TPRG1: variants seen among roughly 807,000 people sequenced by gnomAD.
TPRG1 encodes the protein tumor protein p63 regulated 1.
A neutral mutation model predicts 29.3 loss-of-function variants in TPRG1; 29 were observed. The observed-to-expected ratio is 0.99, with a 90% CI of 0.74 to 1.35. The LOEUF (loss-of-function observed/expected upper bound fraction) is 1.35. TPRG1 is among the 40% of genes most tolerant of loss of function. The pLI, the probability that TPRG1 is intolerant of heterozygous loss-of-function variation, is 0.00. For synonymous variants in TPRG1, 130 were observed against 116.8 expected (o/e 1.11, Z -0.73); for missense variants, 327 against 335.0 (o/e 0.98, Z 0.19).
At chr3:189,100,971 C>G (rs922452633) in intron 1 of TPRG1, among the ~76,000 whole-genome samples, 4 of 152,228 alleles carry the variant, frequency 2.6e-5, no homozygotes, top group Non-Finnish European at 5.9e-5. Flanking sequence ...TTTCTAGCAT[C>G]AAAACAACTT....
chr3:189,183,940 G>A (rs1043781446), intron 1 of TPRG1, among the ~76,000 whole-genome samples: 1 of 151,124 alleles, frequency 6.6e-6, no homozygotes, highest in African/African-American at 2.4e-5. Flanking sequence ...GAAATCACAA[G>A]GGTATTGATT....
At chr3:189,268,116 G>A (rs1714435829) in intron 4 of TPRG1, among the ~76,000 whole-genome samples, 1 of 152,172 alleles carries the variant, frequency 6.6e-6, no homozygotes, top group African/African-American at 2.4e-5. Context: ...GGAGCTTATG[G>A]ACTTACCATC....
At chr3:189,054,040 T>C (rs1031716422) in intron 4 of TPRG1, among the ~76,000 whole-genome samples, 1 of 152,158 alleles carries the variant, frequency 6.6e-6, no homozygotes, top group Non-Finnish European at 1.5e-5. Context: ...ACGCTCAGCT[T>C]TCAGTCTTTT....
intron 5 of TPRG1, among the ~76,000 whole-genome samples, chr3:189,314,923 C>A (rs1414498824): frequency 6.6e-6 from 1 of 151,990 alleles, no homozygotes; most frequent in Non-Finnish European, 1.5e-5. Flanking sequence ...AGTTCAAGAC[C>A]AGCCTAGGCA....
intron 1 of TPRG1, among the ~76,000 whole-genome samples, chr3:189,119,579 A>G (rs1167935690): frequency 6.6e-6 from 1 of 152,202 alleles, no homozygotes; most frequent in East Asian, 1.9e-4. Context: ...GGAGGTACTC[A>G]GTGGGAGGTA....
chr3:189,139,437 C>G (rs940169366), intron 3 of TPRG1, among the ~76,000 whole-genome samples: 1 of 152,198 alleles, frequency 6.6e-6, no homozygotes, highest in Non-Finnish European at 1.5e-5. Context: ...AGTGAACCAG[C>G]TCCTCATCCA....
chr3:189,066,726 G>A (rs1716476526), intron 4 of TPRG1, among the ~76,000 whole-genome samples: 1 of 151,640 alleles, frequency 6.6e-6, no homozygotes, highest in Admixed American at 6.6e-5. Flanking sequence ...ACTAAATGGG[G>A]AAAAACTGAA....
At chr3:189,219,533 AG>A in intron 3 of TPRG1, 27 of 1,178,868 alleles carry the variant, frequency 2.3e-5, no homozygotes, top group East Asian at 1.2e-4. Flanking sequence ...AAAAAAAAAA[AG>A]ATTATTTTAA....
chr3:189,123,880 T>A (rs1418911747), intron 1 of TPRG1, among the ~76,000 whole-genome samples: 1 of 151,892 alleles, frequency 6.6e-6, no homozygotes, highest in Admixed American at 6.6e-5. Context: ...TGCTCTGGAG[T>A]CTCTCTCGCT....
chr3:189,162,977 C>T (rs1376400929), intron 5 of TPRG1, among the ~76,000 whole-genome samples: 1 of 152,036 alleles, frequency 6.6e-6, no homozygotes, highest in Non-Finnish European at 1.5e-5. Flanking sequence ...GTTGATTTAA[C>T]ATAGAGTTCT....
intron 3 of TPRG1, among the ~76,000 whole-genome samples, chr3:189,224,369 A>G (rs572582521): frequency 6.6e-6 from 1 of 152,260 alleles, no homozygotes; most frequent in South Asian, 2.1e-4. Context: ...AGTCCCAGCT[A>G]CTCAGGAGGC....
At chr3:189,172,526 C>T (rs1434676342) in intron 1 of TPRG1, among the ~76,000 whole-genome samples, 1 of 152,176 alleles carries the variant, frequency 6.6e-6, no homozygotes, top group East Asian at 1.9e-4. Flanking sequence ...TCCTTCTTCC[C>T]TCTTCCTCTA....
chr3:189,311,091 A>G (rs987945469), intron 5 of TPRG1, among the ~76,000 whole-genome samples: 17 of 152,158 alleles, frequency 1.1e-4, no homozygotes, highest in African/African-American at 9.7e-5. Context: ...ATTTCATCTC[A>G]TCAAGCAGAT....
chr3:189,224,792 T>C (rs2108878249), intron 3 of TPRG1, among the ~76,000 whole-genome samples: 1 of 152,246 alleles, frequency 6.6e-6, no homozygotes. Context: ...GGCTGTGTGC[T>C]CCCAGCTTTG....
At chr3:189,192,558 A>C (rs1188620960) in intron 1 of TPRG1, among the ~76,000 whole-genome samples, 1 of 152,220 alleles carries the variant, frequency 6.6e-6, no homozygotes. Flanking sequence ...ATGAATTAGA[A>C]GGTCTTTATA....
intron 4 of TPRG1, among the ~76,000 whole-genome samples, chr3:189,078,577 C>T (rs1717380334): frequency 6.6e-6 from 1 of 152,198 alleles, no homozygotes; most frequent in African/African-American, 2.4e-5. Context: ...CATAGCTAGA[C>T]TGCAGTCTAA....
intron 3 of TPRG1, among the ~76,000 whole-genome samples, chr3:189,218,418 G>T (rs1181999532): frequency 2.0e-5 from 3 of 152,090 alleles, no homozygotes; most frequent in African/African-American, 7.2e-5. Context: ...GCCCGGCCGA[G>T]ATTCTCTTTT....
chr3:189,059,838 A>G (rs544120492), intron 4 of TPRG1, among the ~76,000 whole-genome samples: 19 of 152,374 alleles, frequency 1.2e-4, no homozygotes, highest in South Asian at 6.2e-4. Context: ...CAACACATAC[A>G]AATCAATAAA....
At chr3:189,036,505 G>C (rs1220193200) in intron 4 of TPRG1, among the ~76,000 whole-genome samples, 1 of 151,996 alleles carries the variant, frequency 6.6e-6, no homozygotes, top group Non-Finnish European at 1.5e-5. Flanking sequence ...TAAGTTATAG[G>C]AGATAAGGAA....
Sources: allele counts gnomAD v4.1 joint callset (sites outside exome capture counted in the v4.1 genomes callset), GRCh38; gene constraint gnomAD v4.1.1; transcripts MANE v1.5; gene names NCBI Gene and HGNC (gene_info 2026-07-23, HGNC 2026-07-21).